F8: variants seen among roughly 807,000 people sequenced by gnomAD.
F8 encodes the protein antihemophilic factor.
In F8, 12 loss-of-function variants were observed where a neutral mutation model predicts 140.6. That is an observed-to-expected ratio of 0.09 (90% CI 0.05 to 0.14). The LOEUF (loss-of-function observed/expected upper bound fraction) is 0.14. Ranked by LOEUF, F8 falls within the 10% of genes least tolerant of loss-of-function variation. The pLI is 1.00. For missense variants in F8, 1,354 were observed against 1,720.7 expected (o/e 0.79, Z 3.77); for synonymous variants, 585 against 614.6 (o/e 0.95, Z 0.71).
chrX:154,862,990 G>A (rs1201915036), intron 23 of F8, 93 bp downstream of exon 23: 22 of 1,027,275 alleles, frequency 2.1e-5, no homozygotes, highest in Admixed American at 1.8e-4. Context: ...TCCTGATACC[G>A]GGAACCCCTC....
At chrX:155,016,003 G>A (rs1254559567) in intron 1 of F8, among the ~76,000 whole-genome samples, 1 of 111,897 alleles carries the variant, frequency 8.9e-6, no homozygotes, top group African/African-American at 3.3e-5. Flanking sequence ...TTGGGAGGCC[G>A]AGGCGGGTGG....
chrX:154,978,541 G>T (rs1557283221), intron 6 of F8, among the ~76,000 whole-genome samples: 1 of 111,644 alleles, frequency 9.0e-6, no homozygotes, highest in African/African-American at 3.3e-5. Context: ...TCACCATGTT[G>T]TGCTATCAAA....
rs1371828972 is a variant in F8 at position 155,013,192 on chromosome X, G to T, written c.143+9218C>A. ...AAGAATAGTCTTACTCTTTGATATG[G>T]TTTGGCTGTGTCCCCACCTAAATCT... On this transcript the variant is annotated intron_variant, in intron 1 of 25. Coordinates refer to ENST00000360256, the MANE Select transcript of F8 (RefSeq NM_000132.4). 3.7e-5 allele frequency among the ~76,000 whole-genome samples: 4 copies of T among 108,517 alleles called. No individual in the cohort carries two copies. The East Asian group carries it at 1.1e-3, about 31-fold the overall frequency. The allele number at this position is 108,517 out of a possible 115,157, so 94.2% of individuals were successfully genotyped here. A position where few individuals can be genotyped will look rare whatever the true frequency, so the allele number is the denominator to read the frequency against.
chrX:154,878,713 C>T (rs1321983904), intron 22 of F8, among the ~76,000 whole-genome samples: 2 of 111,724 alleles, frequency 1.8e-5, no homozygotes, highest in Non-Finnish European at 3.8e-5. Flanking sequence ...CTCAGATGAA[C>T]ATGAGCTTAT....
chrX:154,877,641 CGAA>C (rs2072827813), intron 22 of F8, among the ~76,000 whole-genome samples: 1 of 110,732 alleles, frequency 9.0e-6, no homozygotes, highest in Non-Finnish European at 1.9e-5. Context: ...TACAGGCGAC[CGAA>C]AAAGGATCCT....
At chrX:154,873,639 T>C (rs1253848375) in intron 22 of F8, among the ~76,000 whole-genome samples, 1 of 111,872 alleles carries the variant, frequency 8.9e-6, no homozygotes, top group Non-Finnish European at 1.9e-5. Context: ...GGCATAAAAA[T>C]AGACACATCA....
At chrX:154,838,944 C>G (rs1309425211) in intron 25 of F8, among the ~76,000 whole-genome samples, 11 of 82,950 alleles carry the variant, frequency 1.3e-4, no homozygotes, top group Admixed American at 9.7e-4. Context: ...CCCCCACCCC[C>G]CCAAGAGATG....
rs1557282028 is a variant in F8 at position 154,966,560 on chromosome X, A to G, written c.1137T>C (p.Phe379=). 1.7e-6 allele frequency: 2 copies of G among 1,211,627 alleles called. No homozygotes were observed. Among genetic ancestry groups the G allele is most frequent in the Non-Finnish European group, 2.2e-6 (2 of 895,456 alleles). The change falls in exon 8 of 26, where the codon TTT becomes TTC. Residue 379 remains phenylalanine, a synonymous_variant. Transcript: ENST00000360256. ...TAAAGGAAGGAGAGTTGTCATCATC[A>G]AACCTGACCACATCCATTTCAGAAT... is the stretch of plus-strand genomic sequence containing the variant. ...LTDSEMDVVR[F]DDDNSPSFIQ...
In F8 at chrX:154,928,683, C is replaced by T. The variant is rs781901822; in HGVS notation, c.5107G>A (p.Glu1703Lys). ...TGAAAGCTGCGGGGGCTCTGATTTT[C>T]ATCCTCATCATAAATGTCAAAATCT... Reference protein sequence around the residue: ...KEDFDIYDEDENQSPRSFQKK... With the variant: ...KEDFDIYDEDKNQSPRSFQKK... Residue 1703 changes from glutamate to lysine, a missense_variant, in exon 14 of 26, where the codon GAA (glutamate) becomes AAA (lysine). This residue lies in a region of F8 where 658 missense variants were observed against 666.5 expected (regional missense o/e 0.99). Transcript: ENST00000360256. The T allele has an allele frequency of 1.7e-6, 2 of 1,207,144 alleles. No homozygotes were observed. The highest frequency in any genetic ancestry group is 1.1e-6 in the Non-Finnish European group (1 of 894,000).
At chrX:154,888,408 C>CTTTTTT (rs1557274896) in intron 22 of F8, among the ~76,000 whole-genome samples, 712 of 53,102 alleles carry the variant, frequency 0.013, 59 homozygotes, top group African/African-American at 0.048. Flanking sequence ...TTTTTTTTTC[C>CTTTTTT]CCCCGAGATG....
At chrX:154,974,312 C>T (rs782347366) in intron 6 of F8, among the ~76,000 whole-genome samples, 2 of 111,912 alleles carry the variant, frequency 1.8e-5, no homozygotes, top group East Asian at 5.6e-4. Flanking sequence ...TATAGGTATG[C>T]TCCTTCTATA....
chrX:154,955,132 T>C (rs2073356815), intron 11 of F8, among the ~76,000 whole-genome samples: 1 of 106,899 alleles, frequency 9.4e-6, no homozygotes, highest in African/African-American at 3.4e-5. Flanking sequence ...TTTTATATCT[T>C]TCCCTATGTT....
chrX:154,854,590 TTGTGTG>T (rs112995374), intron 25 of F8, among the ~76,000 whole-genome samples: 2 of 100,440 alleles, frequency 2.0e-5, no homozygotes, highest in Non-Finnish European at 4.1e-5. Context: ...AGCTAATTCC[TTGTGTG>T]TGTGTGTGTG....
intron 6 of F8, among the ~76,000 whole-genome samples, chrX:154,982,643 G>A (rs1383095698): frequency 1.8e-5 from 2 of 110,297 alleles, no homozygotes; most frequent in Admixed American, 9.6e-5. Flanking sequence ...GTAAACAAAC[G>A]TAAAGATCCA....
At chrX:154,921,820 AT>A (rs1158552194) in intron 14 of F8, among the ~76,000 whole-genome samples, 2 of 102,754 alleles carry the variant, frequency 1.9e-5, no homozygotes, top group African/African-American at 7.0e-5. Flanking sequence ...ATAGGTGGGA[AT>A]TGAACAATGA....
intron 12 of F8, among the ~76,000 whole-genome samples, chrX:154,951,432 T>A (rs1569559778): frequency 8.9e-6 from 1 of 111,765 alleles, no homozygotes; most frequent in Non-Finnish European, 1.9e-5. Flanking sequence ...TTCCTCTGTA[T>A]CCCTAAACTA....
chrX:154,986,956 T>G (rs1569559966), intron 5 of F8, among the ~76,000 whole-genome samples: 3 of 111,136 alleles, frequency 2.7e-5, no homozygotes, highest in African/African-American at 9.8e-5. Flanking sequence ...TAATAATAGA[T>G]GAAGATAAGA....
chrX:155,007,083 A>T (rs2124157596), intron 1 of F8, among the ~76,000 whole-genome samples: 1 of 105,836 alleles, frequency 9.4e-6, no homozygotes, highest in African/African-American at 3.5e-5. Context: ...GCCTTGACAA[A>T]TGACTTTCTG....
chrX:154,964,406 GA>G (rs1159727217), intron 9 of F8, among the ~76,000 whole-genome samples: 14 of 110,873 alleles, frequency 1.3e-4, no homozygotes, highest in Non-Finnish European at 2.5e-4. Flanking sequence ...AATTTATGAA[GA>G]AAAATTGTAC....
Sources: gnomAD v4.1 joint callset for allele counts (sites outside exome capture counted in the v4.1 genomes callset) on GRCh38, gnomAD v4.1.1 for gene constraint, gnomAD v4.1.1 regional missense constraint, MANE v1.5 for transcripts, NCBI Gene and HGNC (gene_info 2026-07-23, HGNC 2026-07-21) for gene names.